The following VWA5A variants were observed in gnomAD, a reference collection of about 807,000 sequenced individuals.
VWA5A encodes von Willebrand factor A domain-containing protein 5A.
A neutral mutation model predicts 84.6 loss-of-function variants in VWA5A; 77 were observed. That is an observed-to-expected ratio of 0.91 (90% confidence interval 0.76 to 1.10). VWA5A has a LOEUF of 1.10. VWA5A is among the 50% of genes least tolerant of loss of function. VWA5A has a pLI of 0.00. For synonymous variants in VWA5A, 334 were observed against 350.1 expected (o/e 0.95, Z 0.51); for missense variants, 973 against 963.0 (o/e 1.01, Z -0.14).
In VWA5A at chr11:124,142,348, G is replaced by A. The variant is rs1860745020; in HGVS notation, c.2024-94G>A. 4 of 1,501,290 alleles carry A rather than the reference G, an allele frequency of 2.7e-6. No individual in the cohort carries two copies. In the East Asian group the frequency reaches 6.8e-5, roughly 26 times the overall value. 93.0% of individuals were successfully genotyped at this position (1,501,290 alleles called of 1,614,324 possible). The stretch of plus-strand genomic sequence containing the variant: ...TTCTTTCTATTGCATTCTTGCTATG[G>A]CCTGTCTCTGAATTTAGCAGCCCTA... On this transcript the variant is annotated intron_variant, in intron 16 of 18. Transcript: ENST00000456829.
At chr11:124,129,444 T>C (rs982185276) in intron 11 of VWA5A, among the ~76,000 whole-genome samples, 3 of 152,226 alleles carry the variant, frequency 2.0e-5, no homozygotes, top group African/African-American at 7.2e-5. Flanking sequence ...AATTTTCTTT[T>C]TTTGTTGTGT....
At chr11:124,145,134 T>C in intron 17 of VWA5A, 103 bp from the exon 18 acceptor site, 1 of 1,417,716 alleles carries the variant, frequency 7.1e-7, no homozygotes, top group Non-Finnish European at 9.4e-7. Context: ...GGTAACTCCA[T>C]CTAGTGACAT....
Position 124,145,218 on chromosome 11 carries a change from C to T in VWA5A, c.2155-19C>T. On this transcript the variant is annotated intron_variant, in intron 17 of 18. Transcript: ENST00000456829. ...GAGGGACTTCCTGTGCCAACTGGAGCTCTCTATCTACTGTGCAGCTTGTGG... is the reference window on the plus strand; with the variant it reads ...GAGGGACTTCCTGTGCCAACTGGAGTTCTCTATCTACTGTGCAGCTTGTGG... 6.3e-7 allele frequency: 1 copy of T among 1,593,756 alleles called. No homozygotes were observed. Among genetic ancestry groups the T allele is most frequent in the Non-Finnish European group, 8.5e-7 (1 of 1,170,484 alleles).
rs757966980 is a variant in VWA5A, at chr11:124,124,225, T to C, written c.1165-12T>C. 11 of 1,611,166 alleles carry C rather than the reference T, an allele frequency of 6.8e-6. No individual in the cohort carries two copies. Among genetic ancestry groups the C allele is most frequent in the Middle Eastern group, 1.6e-4 (1 of 6,076 alleles). The stretch of plus-strand genomic sequence containing the variant: ...GACAAAGACCTGATGAACATTTTCT[T>C]TCTTTGTATAGCTTTTTGTCTTTAC... On this transcript the variant is annotated splice_polypyrimidine_tract_variant and intron_variant, in intron 10 of 18. Transcript: ENST00000456829.
rs1366398816 is a variant in VWA5A, at chr11:124,147,597, A to T, written c.*1652A>T. 6.6e-6 allele frequency: 1 copy of T among 152,238 alleles called. No individual in the cohort carries two copies. The highest frequency in any genetic ancestry group is 1.5e-5 in the Non-Finnish European group (1 of 68,052). The allele number at this position is 152,238 out of a possible 1,614,324, so 9.4% of individuals were successfully genotyped here. ...GAAATGCAGCTTTTTAGAAATGCAG[A>T]ATTTTAATCGATACCAGGAACTACT... On this transcript the variant is annotated 3_prime_UTR_variant, in exon 19 of 19. Transcript: ENST00000456829.
chr11:124,144,751 G>T (rs1591368235), intron 17 of VWA5A, among the ~76,000 whole-genome samples: 2 of 152,168 alleles, frequency 1.3e-5, no homozygotes, highest in African/African-American at 4.8e-5. Flanking sequence ...AGAATATTTG[G>T]CCTTTAGTCT....
chr11:124,119,644 C>G (rs988551787), intron 7 of VWA5A, among the ~76,000 whole-genome samples: 3 of 152,108 alleles, frequency 2.0e-5, no homozygotes, highest in African/African-American at 7.2e-5. Context: ...TTAATAATAT[C>G]GAGTATTAGT....
chr11:124,145,978 T>G lies in VWA5A; in HGVS notation c.*33T>G, dbSNP rs1179682402. 2 of 1,557,786 alleles carry G rather than the reference T, an allele frequency of 1.3e-6. No individual in the cohort carries two copies. Reference sequence around the variant, plus strand: ...ATCCAGAAAAAGAAGTGCCTTTAATTTGCTACTGTCATTTCCTCTAGTATC... The same window carrying G: ...ATCCAGAAAAAGAAGTGCCTTTAATGTGCTACTGTCATTTCCTCTAGTATC... On this transcript the variant is annotated 3_prime_UTR_variant, in exon 19 of 19. Coordinates refer to ENST00000456829, the MANE Select transcript of VWA5A (RefSeq NM_001130142.2).
In VWA5A at chr11:124,147,216, T is replaced by C. The variant is rs998541474; in HGVS notation, c.*1271T>C. 6.6e-6 allele frequency: 1 copy of C among 152,476 alleles called. No individual in the cohort carries two copies. Among genetic ancestry groups the C allele is most frequent in the South Asian group, 2.1e-4 (1 of 4,834 alleles). 9.4% of individuals were successfully genotyped at this position (152,476 alleles called of 1,614,324 possible). On this transcript the variant is annotated 3_prime_UTR_variant, in exon 19 of 19. Coordinates refer to ENST00000456829, the MANE Select transcript of VWA5A (RefSeq NM_001130142.2). ...TTCTGTTGTAGGCTGACTTCTTTTATATGAAGCAAGTAAAGGATACTAATA... is the reference window on the plus strand; with the variant it reads ...TTCTGTTGTAGGCTGACTTCTTTTACATGAAGCAAGTAAAGGATACTAATA...
At chr11:124,125,366 TCCGCCTCCTGGGTTCACGCCATTCTC>T (rs764513730) in intron 11 of VWA5A, among the ~76,000 whole-genome samples, 4 of 151,574 alleles carry the variant, frequency 2.6e-5, no homozygotes, top group Admixed American at 6.6e-5. Flanking sequence ...CCCTGCCATC[TCCGCCTCCTGGGTTCACGCCATTCTC>T]CCGCCTCAGC....
Position 124,146,670 on chromosome 11 carries a change from T to G in VWA5A, c.*725T>G, listed in dbSNP as rs1860827633. On this transcript the variant is annotated 3_prime_UTR_variant, in exon 19 of 19. Transcript: ENST00000456829. ...TCCTTAGTCCTACCCTGAACCTATG[T>G]GTCCTCTAAGTCAGGCCCTGATCTA... is the stretch of plus-strand genomic sequence containing the variant. The G allele has an allele frequency of 6.6e-6, 1 of 152,164 alleles. No individual in the cohort carries two copies. Among genetic ancestry groups the G allele is most frequent in the African/African-American group, 2.4e-5 (1 of 41,410 alleles). The allele number at this position is 152,164 out of a possible 1,614,324, so 9.4% of individuals were successfully genotyped here.
intron 17 of VWA5A, among the ~76,000 whole-genome samples, chr11:124,143,931 T>C (rs768590076): frequency 1.3e-5 from 2 of 152,018 alleles, no homozygotes; most frequent in African/African-American, 2.4e-5. Context: ...TTTTTAATGA[T>C]GAGAACATGG....
At chr11:124,117,295 C>T (rs1864846536) in intron 2 of VWA5A, 2 of 608,312 alleles carry the variant, frequency 3.3e-6, no homozygotes. Flanking sequence ...GTGAATCTTA[C>T]ACCTTCCCCA....
In VWA5A at chr11:124,145,274, T is replaced by G. The variant is rs1317885901; in HGVS notation, c.2192T>G (p.Val731Gly). 1 of 1,613,836 alleles carries G rather than the reference T, an allele frequency of 6.2e-7. No homozygotes were observed. Among genetic ancestry groups the G allele is most frequent in the African/African-American group, 1.3e-5 (1 of 75,006 alleles). ...DSSGWATILA[V>G]IWLHSNGKDL... ...TCAGGCTGGGCCACCATCCTGGCCG[T>G]GATCTGGCTGCACAGCAATGGTAAG... Residue 731 changes from valine to glycine, a missense_variant, in exon 18 of 19, where the codon GTG (valine) becomes GGG (glycine). Transcript: ENST00000456829.
Position 124,117,739 on chromosome 11 carries a change from T to C in VWA5A, c.110T>C (p.Leu37Ser), listed in dbSNP as rs1279911951. ...YEFVAGVSATLNYENEEKVPL... is the reference protein window; with the variant it reads ...YEFVAGVSATSNYENEEKVPL... Reference sequence around the variant, plus strand: ...TTTGTGGCTGGTGTGTCTGCAACTTTGAACTACGAGAATGAGGAGAAAGTT... The same window carrying C: ...TTTGTGGCTGGTGTGTCTGCAACTTCGAACTACGAGAATGAGGAGAAAGTT... The change falls in exon 4 of 19, where the codon TTG (leucine) becomes TCG (serine). Residue 37 changes from leucine to serine, a missense_variant. Physicochemically the swap from Leu to Ser is moderately radical, Grantham distance 145. Transcript: ENST00000456829. 13 of 1,614,114 alleles carry C rather than the reference T, an allele frequency of 8.1e-6. No homozygotes were observed. Among genetic ancestry groups the C allele is most frequent in the Non-Finnish European group, 9.3e-6 (11 of 1,180,052 alleles).
In VWA5A at chr11:124,118,329, T is replaced by G. The variant is rs1190504767; in HGVS notation, c.387T>G (p.Tyr129Ter). Residue 129 changes from tyrosine to a stop codon, truncating the protein, a stop_gained, in exon 5 of 19, where the codon TAT (tyrosine) becomes TAG (stop). Transcript: ENST00000456829. LOFTEE classifies it high-confidence loss of function. The part of the protein sequence containing the change: ...PGSKAAVTLK[Y>*]VQELPLEADG... ...CGAAGGCGGCAGTCACCCTGAAGTA[T>G]GTGCAGGAGCTGCCTCTGGAAGCAG... is the stretch of plus-strand genomic sequence containing the variant. 2 of 1,614,114 alleles carry G rather than the reference T, an allele frequency of 1.2e-6. No homozygotes were observed. The highest frequency in any genetic ancestry group is 1.7e-6 in the Non-Finnish European group (2 of 1,180,044).
At chr11:124,138,864 A>G (rs1860670665) in intron 15 of VWA5A, among the ~76,000 whole-genome samples, 1 of 152,166 alleles carries the variant, frequency 6.6e-6, no homozygotes, top group Non-Finnish European at 1.5e-5. Context: ...CCAATGTCAT[A>G]GATATTTTCC....
intron 15 of VWA5A, among the ~76,000 whole-genome samples, chr11:124,139,060 T>C (rs930529853): frequency 2.0e-5 from 3 of 152,202 alleles, no homozygotes; most frequent in Admixed American, 1.3e-4. Flanking sequence ...TCTTAGCACT[T>C]TTGTCAAAAA....
chr11:124,123,470 G>T lies in VWA5A; in HGVS notation c.1019+16G>T. ...CATGCTTTCCGTAAGTTTCTGGAAA[G>T]ACAATAGGGAGTACAAAACGAGACT... is the stretch of plus-strand genomic sequence containing the variant. On this transcript the variant is annotated intron_variant, in intron 9 of 18. Transcript: ENST00000456829. 1 of 1,612,638 alleles carries T rather than the reference G, an allele frequency of 6.2e-7. No homozygotes were observed. Among genetic ancestry groups the T allele is most frequent in the South Asian group, 1.1e-5 (1 of 90,988 alleles).
Sources: allele counts gnomAD v4.1 joint callset (sites outside exome capture counted in the v4.1 genomes callset), GRCh38; gene constraint gnomAD v4.1.1; transcripts MANE v1.5; gene names NCBI Gene and HGNC (gene_info 2026-07-23, HGNC 2026-07-21).